Variants in ZNF280C observed in about 807,000 individuals in gnomAD.
ZNF280C encodes the protein suppressor of hairy wing homolog 3.
A neutral mutation model predicts 53.6 loss-of-function variants in ZNF280C; 14 were observed. That is an observed-to-expected ratio of 0.26 (90% CI 0.17 to 0.41). The LOEUF (loss-of-function observed/expected upper bound fraction) is 0.41. Among genes scored for constraint, ZNF280C ranks in the 10% least tolerant of loss-of-function variants. The pLI is 1.00. For synonymous variants in ZNF280C, 203 were observed against 181.1 expected (o/e 1.12, Z -0.97); for missense variants, 416 against 547.1 (o/e 0.76, Z 2.39).
intron 5 of ZNF280C, among the ~76,000 whole-genome samples, chrX:130,241,595 T>TA (rs1282092856): frequency 9.0e-6 from 1 of 110,744 alleles, no homozygotes; most frequent in Non-Finnish European, 1.9e-5. Context: ...GCCCCATCTC[T>TA]AAAAAAAATT....
At chrX:130,250,807 A>G (rs1309227476) in intron 2 of ZNF280C, among the ~76,000 whole-genome samples, 1 of 111,978 alleles carries the variant, frequency 8.9e-6, no homozygotes, top group African/African-American at 3.2e-5. Context: ...CAAAAAAATA[A>G]AACTTTGCTG....
At chrX:130,217,382 C>T (rs1044435651) in intron 13 of ZNF280C, among the ~76,000 whole-genome samples, 2 of 112,047 alleles carry the variant, frequency 1.8e-5, no homozygotes, top group Admixed American at 9.4e-5. Flanking sequence ...TTATATGAAA[C>T]GTCCAGAATA....
chrX:130,227,229 C>G (rs959874460), intron 11 of ZNF280C, among the ~76,000 whole-genome samples: 5 of 111,836 alleles, frequency 4.5e-5, no homozygotes, highest in African/African-American at 1.6e-4. Context: ...ACAGAGTATT[C>G]TCTTCTTTAG....
intron 2 of ZNF280C, among the ~76,000 whole-genome samples, chrX:130,251,730 A>G (rs1287510215): frequency 1.8e-5 from 2 of 109,058 alleles, no homozygotes; most frequent in Non-Finnish European, 1.9e-5. Context: ...GGGGAAGTGC[A>G]GTGAACTGAG....
chrX:130,268,382 T>A (rs1350689488), intron 1 of ZNF280C, among the ~76,000 whole-genome samples: 1 of 111,132 alleles, frequency 9.0e-6, no homozygotes, highest in African/African-American at 3.3e-5. Context: ...CCGTCAAACA[T>A]CAGTATCAAC....
At chrX:130,230,447 T>TA in intron 9 of ZNF280C, 63 bp downstream of exon 9, 1 of 744,352 alleles carries the variant, frequency 1.3e-6, no homozygotes, top group Non-Finnish European at 1.9e-6. Flanking sequence ...AATGTAAAGA[T>TA]ACTATATTCT....
intron 1 of ZNF280C, among the ~76,000 whole-genome samples, chrX:130,267,620 T>C (rs1443556782): frequency 8.9e-6 from 1 of 112,162 alleles, no homozygotes; most frequent in Non-Finnish European, 1.9e-5. Flanking sequence ...GAATCTGTAC[T>C]GCTGTAGAAA....
At chrX:130,230,985 C>CT (rs1452437159) in intron 8 of ZNF280C, among the ~76,000 whole-genome samples, 1 of 111,443 alleles carries the variant, frequency 9.0e-6, no homozygotes, top group African/African-American at 3.3e-5. Flanking sequence ...GTTTATGTAT[C>CT]TAATATTTTT....
In ZNF280C at chrX:130,243,607, T is replaced by G. The variant is rs1384786291; in HGVS notation, c.337A>C (p.Lys113Gln). 8.3e-7 allele frequency: 1 copy of G among 1,209,685 alleles called. No homozygotes were observed. Among genetic ancestry groups the G allele is most frequent in the Non-Finnish European group, 1.1e-6 (1 of 894,630 alleles). ...AASPRFHLVS[K>Q]SSQSSVTVEN... ...ACAGTAACAGAGCTTTGTGAAGATT[T>G]AGATACAAGATGAAATCTAGGCGAG... Residue 113 changes from lysine to glutamine, a missense_variant, in exon 5 of 19, where the codon AAA becomes CAA. Coordinates refer to ENST00000370978, the MANE Select transcript of ZNF280C (RefSeq NM_017666.5).
intron 15 of ZNF280C, among the ~76,000 whole-genome samples, chrX:130,212,150 T>C (rs893906722): frequency 1.8e-5 from 2 of 111,543 alleles, no homozygotes; most frequent in African/African-American, 3.3e-5. Flanking sequence ...AAACTTGGGA[T>C]AGTAAATTAT....
intron 15 of ZNF280C, among the ~76,000 whole-genome samples, chrX:130,210,765 C>G (rs1163809280): frequency 1.8e-5 from 2 of 112,443 alleles, no homozygotes; most frequent in Non-Finnish European, 3.8e-5. Flanking sequence ...TTATGCCTCC[C>G]TTTAAAATGA....
At chrX:130,245,840 C>T (rs1380104393) in intron 3 of ZNF280C, among the ~76,000 whole-genome samples, 2 of 108,516 alleles carry the variant, frequency 1.8e-5, no homozygotes, top group African/African-American at 6.8e-5. Flanking sequence ...GACTGGAGTG[C>T]AGTGACGTGA....
Position 130,260,425 on chromosome X carries a change from G to A in ZNF280C, c.25C>T (p.Pro9Ser), listed in dbSNP as rs766842138. 3 of 1,194,158 alleles carry A rather than the reference G, an allele frequency of 2.5e-6. No individual in the cohort carries two copies. The South Asian group carries it at 5.5e-5, about 22-fold the overall frequency. MDDDKPFQ[P>S]KNISKMAELF... ...CTACAGCAGAAATACTTACTTTTTG[G>A]TTGAAAAGGTTTGTCGTCATCCATG... Residue 9 changes from proline to serine, a missense_variant, in exon 2 of 19, where the codon CCA becomes TCA. Physicochemically the swap from Pro to Ser is moderately conservative, Grantham distance 74 (BLOSUM62 -1). Around this residue, in one of 3 missense-constraint regions of ZNF280C, gnomAD observed 193 missense variants for 201.4 expected, o/e 0.96. Coordinates refer to ENST00000370978, the MANE Select transcript of ZNF280C (RefSeq NM_017666.5).
At chrX:130,264,552 C>T (rs187869251) in intron 1 of ZNF280C, among the ~76,000 whole-genome samples, 14 of 110,630 alleles carry the variant, frequency 1.3e-4, no homozygotes, top group African/African-American at 3.9e-4. Context: ...ACCTTATATA[C>T]ATAAATGACG....
chrX:130,220,046 A>G (rs1431101569), intron 13 of ZNF280C, among the ~76,000 whole-genome samples: 1 of 111,541 alleles, frequency 9.0e-6, no homozygotes, highest in African/African-American at 3.2e-5. Flanking sequence ...TTAAAAATAC[A>G]GCATATTTAA....
intron 1 of ZNF280C, among the ~76,000 whole-genome samples, chrX:130,263,081 T>C (rs1401929589): frequency 8.9e-6 from 1 of 112,441 alleles, no homozygotes; most frequent in Non-Finnish European, 1.9e-5. Flanking sequence ...GGCAAGGATG[T>C]AGAGAAATTG....
chrX:130,213,762 G>C (rs1420316100), intron 15 of ZNF280C, among the ~76,000 whole-genome samples: 1 of 111,409 alleles, frequency 9.0e-6, no homozygotes, highest in African/African-American at 3.3e-5. Flanking sequence ...AAGCAGAAAG[G>C]GATGTAAAGT....
chrX:130,236,881 T>A (rs1283004840), intron 6 of ZNF280C, among the ~76,000 whole-genome samples: 1 of 111,188 alleles, frequency 9.0e-6, no homozygotes, highest in East Asian at 2.8e-4. Flanking sequence ...ATATCTTTAC[T>A]TCACAAAATA....
chrX:130,229,735 T>C (rs1006585593), intron 9 of ZNF280C, among the ~76,000 whole-genome samples: 5 of 112,513 alleles, frequency 4.4e-5, no homozygotes, highest in African/African-American at 1.6e-4. Flanking sequence ...GTGCCCTTTG[T>C]AGCACTGTCT....
Sources: gnomAD v4.1 joint callset for allele counts (sites outside exome capture counted in the v4.1 genomes callset) on GRCh38, gnomAD v4.1.1 for gene constraint, gnomAD v4.1.1 regional missense constraint, MANE v1.5 for transcripts, NCBI Gene and HGNC (gene_info 2026-07-23, HGNC 2026-07-21) for gene names.